ALDH5A1: variants seen among roughly 807,000 people sequenced by gnomAD.
ALDH5A1 encodes succinate-semialdehyde dehydrogenase, mitochondrial.
Under a neutral mutation model 54.7 loss-of-function variants are expected in ALDH5A1, and 33 were observed. The ratio of observed to expected loss-of-function variants is 0.60; its 90% CI spans 0.46 to 0.81. ALDH5A1 has a LOEUF of 0.81. Among genes scored for constraint, ALDH5A1 ranks in the 30% least tolerant of loss-of-function variants. ALDH5A1 has a pLI of 0.00. For missense variants in ALDH5A1, 657 were observed against 711.0 expected (o/e 0.92, Z 0.86); for synonymous variants, 294 against 292.7 (o/e 1.00, Z -0.05).
chr6:24,499,560 T>G (rs530165606), intron 1 of ALDH5A1, among the ~76,000 whole-genome samples: 64 of 69,254 alleles, frequency 9.2e-4, no homozygotes, highest in African/African-American at 4.1e-3. Context: ...GATGCTATCA[T>G]TGGCTCACTG....
rs908424411 is a variant in ALDH5A1 at position 24,518,142 on chromosome 6, A to T, written c.871-2259A>T. ...ATTCCCCTCTCCTTCACTAGAGAAGAGAGAGAGCTGTTTTGCTTTCTGTTT... is the reference window on the plus strand; with the variant it reads ...ATTCCCCTCTCCTTCACTAGAGAAGTGAGAGAGCTGTTTTGCTTTCTGTTT... On this transcript the variant is annotated intron_variant, in intron 5 of 9. Coordinates refer to ENST00000357578, the MANE Select transcript of ALDH5A1 (RefSeq NM_001080.3). This position sits in a 1 kb window ranked among gnomAD's most constrained non-coding sequence, Gnocchi z 4.2. Among the ~76,000 whole-genome samples the T allele has an allele frequency of 1.3e-5, 2 of 152,192 alleles. No individual in the cohort carries two copies. The highest frequency in any genetic ancestry group is 2.4e-5 in the African/African-American group (1 of 41,450).
intron 7 of ALDH5A1, among the ~76,000 whole-genome samples, chr6:24,525,889 T>G (rs1215791995): frequency 2.6e-5 from 4 of 152,010 alleles, no homozygotes; most frequent in African/African-American, 9.7e-5. Flanking sequence ...CCACCATCCC[T>G]TCTCACCACG....
chr6:24,498,134 G>A (rs1225449740), intron 1 of ALDH5A1, among the ~76,000 whole-genome samples: 2 of 152,176 alleles, frequency 1.3e-5, no homozygotes, highest in South Asian at 4.1e-4. Flanking sequence ...CAATTGGAAG[G>A]ATGAGGATAG....
intron 1 of ALDH5A1, among the ~76,000 whole-genome samples, chr6:24,501,438 GC>G (rs1380339123): frequency 1.3e-5 from 2 of 152,174 alleles, no homozygotes; most frequent in African/African-American, 4.8e-5. Context: ...AAAGTTACAA[GC>G]CTACCTAAGC....
chr6:24,501,894 TA>T (rs1764824638), intron 1 of ALDH5A1, among the ~76,000 whole-genome samples: 1 of 144,740 alleles, frequency 6.9e-6, no homozygotes, highest in East Asian at 2.0e-4. Flanking sequence ...TATATATATA[TA>T]TGTGTGTGTG....
chr6:24,521,360 C>T lies in ALDH5A1; in HGVS notation c.1014+816C>T, dbSNP rs569516382. Among the ~76,000 whole-genome samples the T allele has an allele frequency of 1.8e-3, 276 of 152,350 alleles. 3 individuals are homozygous for T. The highest frequency in any genetic ancestry group is 6.3e-3 in the African/African-American group (264 of 41,580). On this transcript the variant is annotated intron_variant, in intron 6 of 9. Coordinates refer to ENST00000357578, the MANE Select transcript of ALDH5A1 (RefSeq NM_001080.3). ...ACTTAGAGATCAGACGTCTTTGGGC[C>T]ACAGTGTCAAATCTGCTGAGGAGCT...
chr6:24,535,840 A>C lies in ALDH5A1; in HGVS notation c.*2128A>C, dbSNP rs1407401466. On this transcript the variant is annotated 3_prime_UTR_variant, in exon 10 of 10. Transcript: ENST00000357578. The stretch of plus-strand genomic sequence containing the variant: ...AAAAAAAGAATACAAATGCTCCAAC[A>C]TTATTTTTTATAACTCTGGATTACC... 1 of 152,230 alleles carries C rather than the reference A, an allele frequency of 6.6e-6. No homozygotes were observed. The highest frequency in any genetic ancestry group is 1.5e-5 in the Non-Finnish European group (1 of 68,040). 9.4% of individuals were successfully genotyped at this position (152,230 alleles called of 1,614,324 possible).
At chr6:24,529,847 G>A (rs1217587088) in intron 8 of ALDH5A1, among the ~76,000 whole-genome samples, 1 of 149,784 alleles carries the variant, frequency 6.7e-6, no homozygotes, top group Non-Finnish European at 1.5e-5. Flanking sequence ...AATTTTTGTA[G>A]TTTTAGTAGA....
Position 24,533,634 on chromosome 6 carries a change from C to T in ALDH5A1, c.1530C>T (p.Ser510=), listed in dbSNP as rs780090048. Residue 510 remains serine, a synonymous_variant, in exon 10 of 10, where the codon TCC becomes TCT. Transcript: ENST00000357578. ...VECPFGGVKQ[S]GLGREGSKYG... ...GCCCTTTTGGTGGAGTGAAGCAGTC[C>T]GGCCTTGGGCGAGAGGGGTCCAAGT... 30 of 1,613,840 alleles carry T rather than the reference C, an allele frequency of 1.9e-5. No individual in the cohort carries two copies. The highest frequency in any genetic ancestry group is 1.6e-4 in the Middle Eastern group (1 of 6,084).
At chr6:24,498,150 T>C (rs2127380641) in intron 1 of ALDH5A1, among the ~76,000 whole-genome samples, 1 of 152,308 alleles carries the variant, frequency 6.6e-6, no homozygotes, top group South Asian at 2.1e-4. Flanking sequence ...GATAGCTGAA[T>C]TGAACAGCAT....
chr6:24,524,579 G>C (rs1039782373), intron 7 of ALDH5A1, among the ~76,000 whole-genome samples: 3 of 152,170 alleles, frequency 2.0e-5, no homozygotes, highest in Non-Finnish European at 4.4e-5. Flanking sequence ...CCATTGCCTT[G>C]GGAAACCCAG....
chr6:24,529,383 C>T (rs1212977830), intron 8 of ALDH5A1, among the ~76,000 whole-genome samples: 26 of 151,472 alleles, frequency 1.7e-4, no homozygotes, highest in Admixed American at 1.7e-3. Context: ...GCCAGGCTGG[C>T]CTCAAACTCC....
At chr6:24,515,446 C>A in intron 5 of ALDH5A1, 136 bp downstream of exon 5, 1 of 1,078,730 alleles carries the variant, frequency 9.3e-7, no homozygotes, top group Non-Finnish European at 1.3e-6. Flanking sequence ...TGTCGCAGGC[C>A]AAGCACGGCG....
intron 3 of ALDH5A1, among the ~76,000 whole-genome samples, chr6:24,504,003 T>C (rs1561869877): frequency 6.6e-6 from 1 of 152,182 alleles, no homozygotes; most frequent in Non-Finnish European, 1.5e-5. Context: ...CTAGGTCCCA[T>C]ATTAACCTCT....
chr6:24,500,621 T>G (rs2127381505), intron 1 of ALDH5A1, among the ~76,000 whole-genome samples: 1 of 149,764 alleles, frequency 6.7e-6, no homozygotes, highest in Middle Eastern at 3.5e-3. Context: ...CACTCCAGCC[T>G]GGGCATCAGA....
intron 4 of ALDH5A1, among the ~76,000 whole-genome samples, chr6:24,510,603 T>A (rs1023814905): frequency 6.6e-6 from 1 of 152,210 alleles, no homozygotes; most frequent in Non-Finnish European, 1.5e-5. Context: ...GTTTGTTTTG[T>A]CTAATATAAG....
intron 4 of ALDH5A1, among the ~76,000 whole-genome samples, chr6:24,513,614 C>G (rs1003277956): frequency 1.4e-5 from 2 of 145,568 alleles, no homozygotes; most frequent in African/African-American, 5.0e-5. Context: ...ACACGGCTCC[C>G]AGGGGCTGGA....
intron 7 of ALDH5A1, among the ~76,000 whole-genome samples, chr6:24,526,844 C>CTA (rs1344778030): frequency 3.8e-5 from 5 of 132,782 alleles, no homozygotes; most frequent in South Asian, 2.3e-4. Flanking sequence ...TATATCTTCT[C>CTA]TATATATATA....
Position 24,495,353 on chromosome 6 carries a change from G to A in ALDH5A1, c.354+3G>A, listed in dbSNP as rs1416747855. The A allele has an allele frequency of 6.5e-7, 1 of 1,532,668 alleles. No individual in the cohort carries two copies. The highest frequency in any genetic ancestry group is 2.0e-5 in the Admixed American group (1 of 50,950). The allele number at this position is 1,532,668 out of a possible 1,614,324, so 94.9% of individuals were successfully genotyped here. ...GCTGGAGGGAGGTCTCCGCCAAGGTGAGAGAGCCCGGATGCAGGGGGCCAG... is the reference window on the plus strand; with the variant it reads ...GCTGGAGGGAGGTCTCCGCCAAGGTAAGAGAGCCCGGATGCAGGGGGCCAG... On this transcript the variant is annotated splice_donor_region_variant and intron_variant, in intron 1 of 9. Coordinates refer to ENST00000357578, the MANE Select transcript of ALDH5A1 (RefSeq NM_001080.3).
Sources: allele counts gnomAD v4.1 joint callset (sites outside exome capture counted in the v4.1 genomes callset), GRCh38; gene constraint gnomAD v4.1.1; non-coding constraint Gnocchi (gnomAD v3.1); transcripts MANE v1.5; gene names NCBI Gene and HGNC (gene_info 2026-07-23, HGNC 2026-07-21).